Variants in PNPLA1 observed in about 807,000 individuals in gnomAD.
PNPLA1 encodes the protein omega-hydroxyceramide transacylase.
PNPLA1 carries 36 observed loss-of-function variants against 51.7 expected under a neutral mutation model. The observed-to-expected ratio is 0.70, with a 90% confidence interval of 0.53 to 0.92. The LOEUF is 0.92. PNPLA1 is among the 40% of genes least tolerant of loss of function. The pLI, the probability that PNPLA1 is intolerant of heterozygous loss-of-function variation, is 0.00. For synonymous variants in PNPLA1, 293 were observed against 280.1 expected (o/e 1.05, Z -0.46); for missense variants, 658 against 682.5 (o/e 0.96, Z 0.40).
intron 1 of PNPLA1, among the ~76,000 whole-genome samples, chr6:36,248,843 C>A (rs909411877): frequency 6.6e-6 from 1 of 152,110 alleles, no homozygotes; most frequent in African/African-American, 2.4e-5. Flanking sequence ...AGCAAACGTC[C>A]CCCCACCAAA....
chr6:36,262,418 A>AAAGGC (rs1458284919), intron 1 of PNPLA1, among the ~76,000 whole-genome samples: 1 of 152,344 alleles, frequency 6.6e-6, no homozygotes, highest in East Asian at 1.9e-4. Flanking sequence ...TATTGGAACA[A>AAAGGC]AAGGCCCTCT....
chr6:36,301,810 G>T, intron 5 of PNPLA1, 51 bp from the exon 6 acceptor site: 1 of 1,567,374 alleles, frequency 6.4e-7, no homozygotes. Flanking sequence ...TTTTGCAAAG[G>T]CCATGCTGCT....
chr6:36,271,838 G>A (rs1769925570), intron 1 of PNPLA1, among the ~76,000 whole-genome samples: 1 of 152,224 alleles, frequency 6.6e-6, no homozygotes, highest in Non-Finnish European at 1.5e-5. Flanking sequence ...CAGCAAGTGG[G>A]GAGGGGGCAG....
At chr6:36,280,587 G>A (rs971347152) in intron 1 of PNPLA1, among the ~76,000 whole-genome samples, 1 of 152,160 alleles carries the variant, frequency 6.6e-6, no homozygotes, top group Non-Finnish European at 1.5e-5. Context: ...GCTTTAAGCA[G>A]AGGTCTCATT....
intron 1 of PNPLA1, among the ~76,000 whole-genome samples, chr6:36,261,954 G>A (rs1769658829): frequency 6.6e-6 from 1 of 152,194 alleles, no homozygotes; most frequent in South Asian, 2.1e-4. Flanking sequence ...AACTCAGGGT[G>A]CCTTTATTTC....
chr6:36,302,067 G>T lies in PNPLA1; in HGVS notation c.982G>T (p.Val328Leu). Residue 328 changes from valine (V) to leucine (L), a missense_variant, in exon 6 of 9, where the codon GTG becomes TTG. Val to Leu is a conservative substitution (Grantham distance 32). Coordinates refer to ENST00000636260, the MANE Select transcript of PNPLA1 (RefSeq NM_001374623.1). ...TGGAAGGGGCAGCCATGGTCCGCCT[G>T]TGTCCCAACCTGTGCAGACACTTGA... ...GDGRGSHGPP[V>L]SQPVQTLEFT... 1 of 1,614,144 alleles carries T rather than the reference G, an allele frequency of 6.2e-7. No homozygotes were observed. Among genetic ancestry groups the T allele is most frequent in the South Asian group, 1.1e-5 (1 of 91,082 alleles).
intron 1 of PNPLA1, among the ~76,000 whole-genome samples, chr6:36,281,913 C>CG (rs1370207985): frequency 6.6e-6 from 1 of 151,368 alleles, no homozygotes; most frequent in Non-Finnish European, 1.5e-5. Flanking sequence ...CCCAGCTACT[C>CG]GGGGGGCTGA....
chr6:36,295,535 G>C, intron 5 of PNPLA1, 111 bp downstream of exon 5: 9 of 1,183,638 alleles, frequency 7.6e-6, no homozygotes, highest in Non-Finnish European at 1.1e-5. Context: ...ACCCGGAGAC[G>C]CCCTTCACCT....
At chr6:36,246,498 G>A (rs893534587) in intron 1 of PNPLA1, among the ~76,000 whole-genome samples, 10 of 152,072 alleles carry the variant, frequency 6.6e-5, no homozygotes, top group Admixed American at 6.5e-4. Context: ...CATGGTGCCC[G>A]GCCAGATCCC....
chr6:36,284,555 T>TCATCCATCCATC (rs66750925), intron 1 of PNPLA1, among the ~76,000 whole-genome samples: 84 of 148,424 alleles, frequency 5.7e-4, no homozygotes, highest in East Asian at 4.0e-3. Flanking sequence ...ATCCATCCAC[T>TCATCCATCCATC]CATCCATCCA....
intron 1 of PNPLA1, among the ~76,000 whole-genome samples, chr6:36,260,241 G>C (rs1261332205): frequency 6.6e-6 from 1 of 151,992 alleles, no homozygotes; most frequent in East Asian, 1.9e-4. Flanking sequence ...AGTGAGCTAT[G>C]ACACATCACT....
At chr6:36,290,355 G>A (rs1770637657) in intron 1 of PNPLA1, among the ~76,000 whole-genome samples, 1 of 152,198 alleles carries the variant, frequency 6.6e-6, no homozygotes, top group Non-Finnish European at 1.5e-5. Flanking sequence ...GGGCTCGGCT[G>A]CAGAAGAAGC....
intron 5 of PNPLA1, among the ~76,000 whole-genome samples, chr6:36,300,006 T>C (rs1561869495): frequency 3.3e-5 from 5 of 152,210 alleles, no homozygotes. Context: ...TGACATATTA[T>C]TAACTAAGAG....
intron 1 of PNPLA1, among the ~76,000 whole-genome samples, chr6:36,257,995 T>C (rs1469036244): frequency 6.6e-6 from 1 of 152,216 alleles, no homozygotes; most frequent in African/African-American, 2.4e-5. Context: ...CTTTATTTTA[T>C]TTTTATTTTT....
chr6:36,302,568 G>T, intron 6 of PNPLA1, 99 bp downstream of exon 6: 1 of 1,449,764 alleles, frequency 6.9e-7, no homozygotes, highest in Non-Finnish European at 9.2e-7. Context: ...TTAGGGGTGC[G>T]TGGCTGAAGT....
chr6:36,270,257 G>A lies in PNPLA1; in HGVS notation c.-203G>A, dbSNP rs928534575. On this transcript the variant is annotated 5_prime_UTR_variant, in exon 1 of 9. Coordinates refer to ENST00000636260, the MANE Select transcript of PNPLA1 (RefSeq NM_001374623.1). ...GGGCCCCTTTCCAACCTTTGGAGTT[G>A]CCTCCTGGCGGAGCTTAACAGGCTG... 3.3e-5 allele frequency among the ~76,000 whole-genome samples: 5 copies of A among 152,254 alleles called. No individual in the cohort carries two copies. Among genetic ancestry groups the A allele is most frequent in the African/African-American group, 1.2e-4 (5 of 41,468 alleles).
intron 8 of PNPLA1, among the ~76,000 whole-genome samples, chr6:36,310,723 GA>G (rs1771388776): frequency 6.6e-6 from 1 of 152,232 alleles, no homozygotes; most frequent in South Asian, 2.1e-4. Context: ...CCAACTTAGT[GA>G]TACAGCCTAC....
intron 1 of PNPLA1, among the ~76,000 whole-genome samples, chr6:36,280,337 A>G (rs914025780): frequency 7.2e-5 from 11 of 152,220 alleles, no homozygotes; most frequent in Non-Finnish European, 1.5e-4. Context: ...CGGCAGTGGA[A>G]GGACCCATCT....
At chr6:36,304,610 G>A (rs1291988330) in intron 6 of PNPLA1, among the ~76,000 whole-genome samples, 1 of 138,928 alleles carries the variant, frequency 7.2e-6, no homozygotes, top group Non-Finnish European at 1.5e-5. Context: ...CTGGGCGACA[G>A]AGTGAGACTC....
Sources: allele counts gnomAD v4.1 joint callset (sites outside exome capture counted in the v4.1 genomes callset), GRCh38; gene constraint gnomAD v4.1.1; transcripts MANE v1.5; gene names NCBI Gene and HGNC (gene_info 2026-07-23, HGNC 2026-07-21).